TRIM65: variants seen among roughly 807,000 people sequenced by gnomAD.
TRIM65 encodes the protein tripartite motif containing 65.
A neutral mutation model predicts 36.1 loss-of-function variants in TRIM65; 46 were observed. The observed-to-expected ratio is 1.27, with a 90% confidence interval of 1.01 to 1.63. The LOEUF is 1.63. Ranked by LOEUF, TRIM65 falls within the 40% of genes most tolerant of loss-of-function variation. TRIM65 has a pLI of 0.00. For missense variants in TRIM65, 708 were observed against 696.6 expected, an observed-to-expected ratio of 1.02 and a Z score of -0.18; for synonymous variants, 346 against 313.6, an observed-to-expected ratio of 1.10 and a Z score of -1.09.
At chr17:75,888,300 C>T (rs532052425), downstream of TRIM65, among the ~76,000 whole-genome samples, 156 of 150,924 alleles carry the variant, frequency 1.0e-3, no homozygotes, top group Middle Eastern at 0.034. Flanking sequence ...TTGCAGTGAG[C>T]TGAGATCACG....
At chr17:75,886,239 C>G (rs932037394), downstream of TRIM65, among the ~76,000 whole-genome samples, 1 of 152,080 alleles carries the variant, frequency 6.6e-6, no homozygotes, top group African/African-American at 2.4e-5. Flanking sequence ...AACCTCTTTC[C>G]TGGCTAGGCG....
chr17:75,894,850 CGGCCCCCTCCT>C, intron 1 of TRIM65, among the ~76,000 whole-genome samples: 1 of 152,228 alleles, frequency 6.6e-6, no homozygotes, highest in East Asian at 1.9e-4. Context: ...GCGGGGGGTC[CGGCCCCCTCCT>C]GCTCCTGGCG....
rs1750267608 is a variant in TRIM65 at position 75,896,562 on chromosome 17, C to T, written c.376G>A (p.Glu126Lys). 2.2e-6 allele frequency: 3 copies of T among 1,360,582 alleles called. No individual in the cohort carries two copies. The highest frequency in any genetic ancestry group is 3.3e-5 in the South Asian group (2 of 59,784). The allele number at this position is 1,360,582 out of a possible 1,614,324, so 84.3% of individuals were successfully genotyped here. ...VCTVRECRLH[E>K]RALLDAERLK... ...CGCTCGGCATCCAGCAGCGCCCGCT[C>T]GTGGAGGCGACACTCGCGCACGGTG... The change falls in exon 1 of 6, where the codon GAG becomes AAG. Residue 126 changes from glutamate (E) to lysine (K), a missense_variant. Glu to Lys is a moderately conservative substitution (Grantham distance 56, BLOSUM62 1). Coordinates refer to ENST00000269383, the MANE Select transcript of TRIM65 (RefSeq NM_173547.4).
downstream of TRIM65, among the ~76,000 whole-genome samples, chr17:75,879,935 G>A (rs1168202131): frequency 6.7e-6 from 1 of 150,374 alleles, no homozygotes; most frequent in Non-Finnish European, 1.5e-5. Flanking sequence ...TGTATTTTTA[G>A]TAGAGACGGG....
chr17:75,894,235 C>A (rs1297268082), intron 1 of TRIM65, among the ~76,000 whole-genome samples: 1 of 152,218 alleles, frequency 6.6e-6, no homozygotes, highest in African/African-American at 2.4e-5. Context: ...CTGGCCACCC[C>A]TTCCCTTCCT....
chr17:75,890,873 G>A lies in TRIM65; in HGVS notation c.1460C>T (p.Pro487Leu). The change falls in exon 6 of 6, where the codon CCC becomes CTC. Residue 487 changes from proline to leucine, a missense_variant. Transcript: ENST00000269383. ...FHALFNQPLTPVFWLLEGRTL... is the reference protein window; with the variant it reads ...FHALFNQPLTLVFWLLEGRTL... ...CCTACCCTCGAGGAGCCAGAAGACGGGGGTGAGGGGCTGGTTGAAGAGGGC... is the reference window on the plus strand; with the variant it reads ...CCTACCCTCGAGGAGCCAGAAGACGAGGGTGAGGGGCTGGTTGAAGAGGGC... 6.5e-7 allele frequency: 1 copy of A among 1,529,966 alleles called. No individual in the cohort carries two copies. The allele number at this position is 1,529,966 out of a possible 1,614,324, so 94.8% of individuals were successfully genotyped here. A position where few individuals can be genotyped will look rare whatever the true frequency, so the allele number is the denominator to read the frequency against.
At chr17:75,887,737 G>T (rs929566294), downstream of TRIM65, among the ~76,000 whole-genome samples, 1 of 152,124 alleles carries the variant, frequency 6.6e-6, no homozygotes, top group African/African-American at 2.4e-5. Context: ...AAGAAAAGAG[G>T]GGGGCCGGAC....
chr17:75,890,960 G>A lies in TRIM65; in HGVS notation c.1373C>T (p.Ala458Val). The change falls in exon 6 of 6, where the codon GCC becomes GTC. Residue 458 changes from alanine (A) to valine (V), a missense_variant. Physicochemically the swap from Ala to Val is moderately conservative, Grantham distance 64. Transcript: ENST00000269383. ...GCTGTAGAAGGTGAGGCAGCCTGAG[G>A]CCAGGTCCAAATCCATGCCCAGGAG... ...GRLLGMDLDLASGCLTFYSLE... is the reference protein window; with the variant it reads ...GRLLGMDLDLVSGCLTFYSLE... 1 of 1,561,158 alleles carries A rather than the reference G, an allele frequency of 6.4e-7. No individual in the cohort carries two copies. The highest frequency in any genetic ancestry group is 8.7e-7 in the Non-Finnish European group (1 of 1,152,976).
chr17:75,886,521 CAAAAAAAA>C (rs537579897), downstream of TRIM65, among the ~76,000 whole-genome samples: 1 of 77,014 alleles, frequency 1.3e-5, no homozygotes, highest in African/African-American at 4.4e-5. Flanking sequence ...GACTCCGTTT[CAAAAAAAA>C]AAAAAAAAAA....
At position 75,892,098 on chromosome 17, in the gene TRIM65, G is replaced by C. The variant is rs754933879; in HGVS notation, c.832C>G (p.Gln278Glu). 2 of 1,555,498 alleles carry C rather than the reference G, an allele frequency of 1.3e-6. No individual in the cohort carries two copies. Among genetic ancestry groups the C allele is most frequent in the Admixed American group, 1.9e-5 (1 of 51,390 alleles). The change falls in exon 4 of 6, where the codon CAG (glutamine) becomes GAG (glutamate). Residue 278 changes from glutamine (Q) to glutamate (E), a missense_variant. By Grantham distance (29) the Gln-to-Glu change is conservative. Transcript: ENST00000269383. ...DEDQQLGDLK[Q>E]LLSRLCGLLL... ...AGGCCACACAGCCGGCTTAGCAACT[G>C]CTTCAGGTCACCCAGCTGTTGGTCT... is the stretch of plus-strand genomic sequence containing the variant.
intron 1 of TRIM65, among the ~76,000 whole-genome samples, chr17:75,896,198 G>A (rs1203740867): frequency 1.3e-5 from 2 of 152,214 alleles, no homozygotes; most frequent in Non-Finnish European, 2.9e-5. Flanking sequence ...TGGGACTACA[G>A]GCGCCCGCCA....
chr17:75,892,228 G>C lies in TRIM65; in HGVS notation c.744+39C>G, dbSNP rs1026769171. The stretch of plus-strand genomic sequence containing the variant: ...CAAGTAAGCCTGGGCCTGAGGGGCA[G>C]GGAAGCAAGTCCGCCACCTATGCCC... On this transcript the variant is annotated intron_variant, in intron 3 of 5. Coordinates refer to ENST00000269383, the MANE Select transcript of TRIM65 (RefSeq NM_173547.4). 3.1e-6 allele frequency: 5 copies of C among 1,592,024 alleles called. No individual in the cohort carries two copies. In the African/African-American group the frequency reaches 4.0e-5, roughly 13 times the overall value.
intron 1 of TRIM65, among the ~76,000 whole-genome samples, chr17:75,895,020 C>A (rs1364581803): frequency 6.6e-6 from 1 of 152,190 alleles, no homozygotes; most frequent in Non-Finnish European, 1.5e-5. Flanking sequence ...TGCCACAGGC[C>A]CGTCCCCTGG....
exon 5 of TRIM65, chr17:75,880,532 A>G (rs1049588096): frequency 6.6e-6 from 1 of 150,474 alleles, no homozygotes; most frequent in Admixed American, 6.6e-5. Context: ...ATCTTAACTC[A>G]GTCACATCTG....
chr17:75,888,149 C>G (rs1277832207), downstream of TRIM65, among the ~76,000 whole-genome samples: 13 of 149,532 alleles, frequency 8.7e-5, no homozygotes, highest in Admixed American at 8.0e-4. Flanking sequence ...GAGTGAGACT[C>G]TGTCTCAAAA....
rs2065287524 is a variant in TRIM65, at chr17:75,892,560, C to T, written c.511-60G>A. 3 of 1,500,678 alleles carry T rather than the reference C, an allele frequency of 2.0e-6. No individual in the cohort carries two copies. The South Asian group carries it at 3.6e-5, about 18-fold the overall frequency. The allele number at this position is 1,500,678 out of a possible 1,614,324, so 93.0% of individuals were successfully genotyped here. On this transcript the variant is annotated intron_variant, in intron 2 of 5. Coordinates refer to ENST00000269383, the MANE Select transcript of TRIM65 (RefSeq NM_173547.4). Reference sequence around the variant, plus strand: ...GGGCCCTGTGCCATACCAAGGGAGGCTAGGGCCAGGGCTGCCTGCTGGGCT... The same window carrying T: ...GGGCCCTGTGCCATACCAAGGGAGGTTAGGGCCAGGGCTGCCTGCTGGGCT...
Position 75,891,244 on chromosome 17 carries a change from G to A in TRIM65, c.1089C>T (p.Gly363=), listed in dbSNP as rs752006270. The A allele has an allele frequency of 1.3e-5, 21 of 1,612,684 alleles. No individual in the cohort carries two copies. Among genetic ancestry groups the A allele is most frequent in the Admixed American group, 3.3e-5 (2 of 59,992 alleles). Residue 363 remains glycine, a synonymous_variant, in exon 6 of 6, where the codon GGC becomes GGT. Coordinates refer to ENST00000269383, the MANE Select transcript of TRIM65 (RefSeq NM_173547.4). ...GCCAGAGCTCAAAGCTGCCGGGCCC[G>A]CCTGGGCCCCGGGACTGACGACAGT... The part of the protein sequence containing the change: ...VKHCRQSRGP[G]GPGSFELWQV...
Position 75,891,123 on chromosome 17 carries a change from G to T in TRIM65, c.1210C>A (p.Leu404Met), listed in dbSNP as rs373081989. The T allele has an allele frequency of 6.2e-7, 1 of 1,608,648 alleles. No individual in the cohort carries two copies. Among genetic ancestry groups the T allele is most frequent in the Non-Finnish European group, 8.5e-7 (1 of 1,179,918 alleles). The change falls in exon 6 of 6, where the codon CTG (leucine) becomes ATG (methionine). Residue 404 changes from leucine to methionine, a missense_variant. Transcript: ENST00000269383. The part of the protein sequence containing the change: ...SVTLGVSYPQ[L>M]PRCRLGPHTD... ...TGGGGCCCCAGCCTGCACCGTGGCA[G>T]TTGCGGGTAGGAGACGCCCAGTGTC...
At chr17:75,884,524 C>T (rs1415085711), downstream of TRIM65, among the ~76,000 whole-genome samples, 1 of 152,204 alleles carries the variant, frequency 6.6e-6, no homozygotes, top group Non-Finnish European at 1.5e-5. Flanking sequence ...GTCCCACTGA[C>T]TCCCCATGGA....
Sources: gnomAD v4.1 joint callset for allele counts (sites outside exome capture counted in the v4.1 genomes callset) on GRCh38, gnomAD v4.1.1 for gene constraint, MANE v1.5 for transcripts, NCBI Gene and HGNC (gene_info 2026-07-23, HGNC 2026-07-21) for gene names.